TRAF3: variants seen among roughly 807,000 people sequenced by gnomAD.
The protein encoded by TRAF3 is TNF receptor-associated factor 3.
TRAF3 carries 13 observed loss-of-function variants against 62.3 expected under a neutral mutation model. That is an observed-to-expected ratio of 0.21 (90% confidence interval 0.14 to 0.33). The LOEUF is 0.33. Among genes scored for constraint, TRAF3 ranks in the 10% least tolerant of loss-of-function variants. TRAF3 has a pLI of 1.00. For missense variants in TRAF3, 440 were observed against 741.8 expected (o/e 0.59, Z 4.73); for synonymous variants, 269 against 283.4 (o/e 0.95, Z 0.51).
intron 2 of TRAF3, among the ~76,000 whole-genome samples, chr14:102,832,972 C>T (rs1036104429): frequency 6.6e-6 from 1 of 152,196 alleles, no homozygotes; most frequent in Non-Finnish European, 1.5e-5. Flanking sequence ...TTCTACTTAT[C>T]TTTCAGATTA....
intron 1 of TRAF3, among the ~76,000 whole-genome samples, chr14:102,823,867 G>C (rs995723912): frequency 1.5e-5 from 2 of 130,422 alleles, no homozygotes; most frequent in African/African-American, 5.1e-5. Context: ...TTGACAGGAT[G>C]TGTTTTCTGT....
chr14:102,779,222 A>G (rs936751817), intron 1 of TRAF3, among the ~76,000 whole-genome samples: 8 of 149,966 alleles, frequency 5.3e-5, no homozygotes, highest in South Asian at 4.2e-4. Flanking sequence ...CCAGCTGTCA[A>G]TGCAGAAGCC....
rs185624134 is a variant in TRAF3, at chr14:102,783,044, G to A, written c.-157+5369G>A. 2.1e-3 allele frequency among the ~76,000 whole-genome samples: 313 copies of A among 152,282 alleles called. 1 individual carries two copies. The highest frequency in any genetic ancestry group is 3.8e-3 in the Non-Finnish European group (261 of 68,016). On this transcript the variant is annotated intron_variant, in intron 1 of 11. Transcript: ENST00000392745. ...GGTTAATGCCCGTTAGGAGGCCTGC[G>A]TACACAAGGTAATGAGGTGCTCGTT... is the stretch of plus-strand genomic sequence containing the variant.
At chr14:102,810,653 GT>G (rs2139514225) in intron 1 of TRAF3, 1 of 152,302 alleles carries the variant, frequency 6.6e-6, no homozygotes, top group African/African-American at 2.4e-5. Context: ...GCTTATGATT[GT>G]TTTGATCAGC....
intron 2 of TRAF3, among the ~76,000 whole-genome samples, chr14:102,843,910 A>G (rs1303112499): frequency 1.3e-5 from 2 of 152,226 alleles, no homozygotes; most frequent in Admixed American, 6.5e-5. Flanking sequence ...AAAAGGTGAA[A>G]ACACTATGGA....
intron 2 of TRAF3, among the ~76,000 whole-genome samples, chr14:102,832,223 T>C (rs1900733922): frequency 6.6e-6 from 1 of 152,244 alleles, no homozygotes; most frequent in African/African-American, 2.4e-5. Flanking sequence ...GTTATCTTTT[T>C]TTGTGGTGAG....
chr14:102,804,244 C>T (rs1898632447), intron 1 of TRAF3, among the ~76,000 whole-genome samples: 2 of 151,974 alleles, frequency 1.3e-5, no homozygotes, highest in Non-Finnish European at 2.9e-5. Context: ...TGTGTGTCTA[C>T]GCAGACTCCC....
At chr14:102,870,073 T>G in intron 2 of TRAF3, 112 bp from the exon 3 acceptor site, 1 of 1,281,152 alleles carries the variant, frequency 7.8e-7, no homozygotes, top group South Asian at 1.2e-5. Flanking sequence ...AGGATTCTTG[T>G]GTTGCCTAAA....
intron 1 of TRAF3, among the ~76,000 whole-genome samples, chr14:102,809,804 A>C (rs1045077880): frequency 2.0e-5 from 3 of 152,084 alleles, no homozygotes; most frequent in Non-Finnish European, 4.4e-5. Flanking sequence ...TGCTGGGATT[A>C]CAGGCATGAG....
chr14:102,875,570 C>T (rs1888599641), intron 4 of TRAF3, 54 bp from the exon 5 acceptor site: 1 of 1,484,548 alleles, frequency 6.7e-7, no homozygotes. Flanking sequence ...AAAGTAGCAG[C>T]ATGTGGAGAT....
intron 1 of TRAF3, among the ~76,000 whole-genome samples, chr14:102,782,993 C>T (rs1897328527): frequency 6.6e-6 from 1 of 152,126 alleles, no homozygotes; most frequent in Non-Finnish European, 1.5e-5. Flanking sequence ...ATGAAGGTTT[C>T]CTGAGATTAA....
At chr14:102,843,182 G>A (rs927942476) in intron 2 of TRAF3, among the ~76,000 whole-genome samples, 7 of 150,576 alleles carry the variant, frequency 4.6e-5, no homozygotes, top group East Asian at 3.9e-4. Context: ...TAGCCTGGGC[G>A]ACAGAGGGAG....
intron 6 of TRAF3, among the ~76,000 whole-genome samples, chr14:102,884,482 T>A (rs1362985396): frequency 6.6e-6 from 1 of 151,986 alleles, no homozygotes; most frequent in Non-Finnish European, 1.5e-5. Flanking sequence ...GAAATAGAAA[T>A]GATTAATAGA....
intron 10 of TRAF3, among the ~76,000 whole-genome samples, chr14:102,899,829 C>A (rs1004750419): frequency 1.3e-5 from 2 of 152,028 alleles, no homozygotes; most frequent in African/African-American, 4.8e-5. Context: ...TTTGCCTGTC[C>A]GGGGAACGAT....
chr14:102,867,871 T>C (rs1004229523), intron 2 of TRAF3, among the ~76,000 whole-genome samples: 2 of 152,280 alleles, frequency 1.3e-5, no homozygotes, highest in Admixed American at 1.3e-4. Context: ...GCCACAGTTA[T>C]GTTCTATGAA....
At chr14:102,893,985 A>T (rs970647149) in intron 9 of TRAF3, among the ~76,000 whole-genome samples, 14 of 152,186 alleles carry the variant, frequency 9.2e-5, no homozygotes, top group Admixed American at 2.0e-4. Context: ...TTCTTAGGTT[A>T]TTTTGTTCAT....
intron 8 of TRAF3, among the ~76,000 whole-genome samples, chr14:102,890,807 TA>T (rs1889665921): frequency 6.6e-6 from 1 of 152,222 alleles, no homozygotes; most frequent in African/African-American, 2.4e-5. Context: ...TGAAGAGCAA[TA>T]CATCTTTGGA....
intron 11 of TRAF3, among the ~76,000 whole-genome samples, chr14:102,904,654 C>G (rs1029649773): frequency 1.3e-5 from 2 of 151,452 alleles, no homozygotes; most frequent in African/African-American, 4.9e-5. Flanking sequence ...AGTAAAAATA[C>G]AAAAAGTTAG....
At chr14:102,795,008 C>T (rs977465361) in intron 1 of TRAF3, among the ~76,000 whole-genome samples, 4 of 152,080 alleles carry the variant, frequency 2.6e-5, no homozygotes, top group Admixed American at 2.0e-4. Flanking sequence ...ATATTTCTCT[C>T]TGTTCTTAAA....
Sources: gnomAD v4.1 joint callset for allele counts (sites outside exome capture counted in the v4.1 genomes callset) on GRCh38, gnomAD v4.1.1 for gene constraint, MANE v1.5 for transcripts, NCBI Gene and HGNC (gene_info 2026-07-23, HGNC 2026-07-21) for gene names.